The following RAB31 variants were observed in gnomAD, a reference collection of about 807,000 sequenced individuals.
RAB31 encodes the protein ras-related protein Rab-31.
A neutral mutation model predicts 25.6 loss-of-function variants in RAB31; 21 were observed. The observed-to-expected ratio is 0.82, with a 90% CI of 0.58 to 1.18. RAB31 has a LOEUF of 1.18. Ranked by LOEUF, RAB31 falls within the 50% of genes most tolerant of loss-of-function variation. The pLI is 0.00. For synonymous variants in RAB31, 87 were observed against 84.0 expected (o/e 1.04, Z -0.20); for missense variants, 196 against 250.1 (o/e 0.78, Z 1.46).
Position 9,791,926 on chromosome 18 carries a change from C to CTTTGTTTTGT in RAB31, c.120-215_120-206dup, listed in dbSNP as rs374081823. 4.7e-3 allele frequency among the ~76,000 whole-genome samples: 707 copies of CTTTGTTTTGT among 151,886 alleles called. 4 individuals are homozygous for CTTTGTTTTGT. Among genetic ancestry groups the CTTTGTTTTGT allele is most frequent in the African/African-American group, 0.011 (445 of 41,504 alleles). ...CCAGAAACAGTCTTTTGAATGCCTC[C>CTTTGTTTTGT]TTTGTTTTGTTTTGTTTTGTTTCAA... On this transcript the variant is annotated intron_variant, in intron 2 of 6. Transcript: ENST00000578921.
intron 6 of RAB31, among the ~76,000 whole-genome samples, chr18:9,847,899 A>G (rs1488253622): frequency 6.6e-6 from 1 of 152,136 alleles, no homozygotes; most frequent in Non-Finnish European, 1.5e-5. Flanking sequence ...AAAGACATTT[A>G]TCCAGTATAA....
intron 6 of RAB31, among the ~76,000 whole-genome samples, chr18:9,858,843 A>G (rs2068832178): frequency 6.6e-6 from 1 of 152,208 alleles, no homozygotes; most frequent in South Asian, 2.1e-4. Context: ...TCACGGTACC[A>G]TGAAAGCCGC....
intron 5 of RAB31, among the ~76,000 whole-genome samples, chr18:9,828,798 T>TA (rs1181761299): frequency 1.3e-5 from 2 of 152,192 alleles, no homozygotes; most frequent in Non-Finnish European, 2.9e-5. Flanking sequence ...TTCCAAATAC[T>TA]AAAAGCACTA....
intron 1 of RAB31, among the ~76,000 whole-genome samples, chr18:9,733,260 C>T (rs946897591): frequency 1.3e-5 from 2 of 152,134 alleles, no homozygotes; most frequent in African/African-American, 4.8e-5. Context: ...TGGAAATGAT[C>T]CTAGATCCTG....
chr18:9,746,469 T>TGCAAGAGGCCCCAAATAGCCAAAACAAA (rs1363038528), intron 1 of RAB31, among the ~76,000 whole-genome samples: 3,921 of 152,128 alleles, frequency 0.026, 153 homozygotes, highest in East Asian at 0.15. Flanking sequence ...AAAACAATCT[T>TGCAAGAGGCCCCAAATAGCCAAAACAAA]GATAAAGAAC....
At chr18:9,803,240 C>CTTTTTTTTT (rs60889612) in intron 3 of RAB31, among the ~76,000 whole-genome samples, 1 of 141,672 alleles carries the variant, frequency 7.1e-6, no homozygotes, top group African/African-American at 2.6e-5. Context: ...TTTTTCCTTT[C>CTTTTTTTTT]TTTTTTTTTT....
chr18:9,834,358 C>T (rs1223430123), intron 5 of RAB31, among the ~76,000 whole-genome samples: 2 of 152,136 alleles, frequency 1.3e-5, no homozygotes, highest in Non-Finnish European at 2.9e-5. Context: ...TCAGGTGATC[C>T]ACCCTCCTCG....
chr18:9,739,872 G>C (rs1031559), intron 1 of RAB31, among the ~76,000 whole-genome samples: 103,614 of 152,140 alleles, frequency 0.68, 35,749 homozygotes, highest in Admixed American at 0.78. Context: ...TAAAACTCAG[G>C]GTTCTTTTTC....
chr18:9,765,952 G>C (rs1033948577), intron 1 of RAB31, among the ~76,000 whole-genome samples: 3 of 152,004 alleles, frequency 2.0e-5, no homozygotes, highest in South Asian at 2.1e-4. Flanking sequence ...CCGGGTGTAG[G>C]GGGTGGGGGA....
chr18:9,802,529 C>T (rs2068519256), intron 3 of RAB31, among the ~76,000 whole-genome samples: 1 of 152,160 alleles, frequency 6.6e-6, no homozygotes, highest in Non-Finnish European at 1.5e-5. Flanking sequence ...AAGAAACTAC[C>T]TGGGTGTGGT....
intron 1 of RAB31, among the ~76,000 whole-genome samples, chr18:9,749,497 A>C (rs1373295298): frequency 6.6e-6 from 1 of 152,190 alleles, no homozygotes; most frequent in Non-Finnish European, 1.5e-5. Context: ...GCTGGGATTT[A>C]TTGTAATTTA....
intron 5 of RAB31, among the ~76,000 whole-genome samples, chr18:9,819,090 A>G (rs537232915): frequency 6.6e-5 from 10 of 152,256 alleles, no homozygotes; most frequent in Non-Finnish European, 1.2e-4. Context: ...TCTTTTCACA[A>G]TTTTTACTGT....
chr18:9,783,517 A>G (rs2068416350), intron 2 of RAB31, among the ~76,000 whole-genome samples: 1 of 152,204 alleles, frequency 6.6e-6, no homozygotes, highest in South Asian at 2.1e-4. Flanking sequence ...CGCAGCACCT[A>G]GAATATACTG....
chr18:9,829,840 C>A (rs2068668242), intron 5 of RAB31, among the ~76,000 whole-genome samples: 1 of 151,936 alleles, frequency 6.6e-6, no homozygotes, highest in Admixed American at 6.6e-5. Context: ...CAAATCTTTG[C>A]CATTTTTTTC....
At chr18:9,857,690 A>AGATAGATAGAT (rs1568198156) in intron 6 of RAB31, among the ~76,000 whole-genome samples, 13 of 86,570 alleles carry the variant, frequency 1.5e-4, no homozygotes, top group South Asian at 8.2e-4. Flanking sequence ...GATAGATGAT[A>AGATAGATAGAT]GATAGATAGA....
intron 1 of RAB31, among the ~76,000 whole-genome samples, chr18:9,712,081 C>T (rs931423384): frequency 6.6e-5 from 10 of 152,304 alleles, no homozygotes; most frequent in South Asian, 4.1e-4. Context: ...GGCCGGGTGC[C>T]AGGTCTTCTT....
chr18:9,756,704 A>G (rs764659373), intron 1 of RAB31, among the ~76,000 whole-genome samples: 1 of 152,230 alleles, frequency 6.6e-6, no homozygotes, highest in Non-Finnish European at 1.5e-5. Context: ...GGTACTTTAA[A>G]TCAGGCCACT....
At chr18:9,802,545 A>T (rs994362624) in intron 3 of RAB31, among the ~76,000 whole-genome samples, 3 of 152,196 alleles carry the variant, frequency 2.0e-5, no homozygotes, top group African/African-American at 7.2e-5. Flanking sequence ...GTGGTGGTGC[A>T]TGCCTATAAG....
At chr18:9,757,140 G>A in intron 1 of RAB31, among the ~76,000 whole-genome samples, 1 of 152,252 alleles carries the variant, frequency 6.6e-6, no homozygotes, top group Non-Finnish European at 1.5e-5. Flanking sequence ...ATTTATTACA[G>A]TAATCCCACT....
Sources: allele counts gnomAD v4.1 joint callset (sites outside exome capture counted in the v4.1 genomes callset), GRCh38; gene constraint gnomAD v4.1.1; transcripts MANE v1.5; gene names NCBI Gene and HGNC (gene_info 2026-07-23, HGNC 2026-07-21).